Variants in CLDN16 observed in about 807,000 individuals in gnomAD.
CLDN16 encodes the protein claudin-16.
In CLDN16, 13 loss-of-function variants were observed where a neutral mutation model predicts 24.6. That is an observed-to-expected ratio of 0.53 (90% confidence interval 0.34 to 0.84). CLDN16 has a LOEUF of 0.84. Ranked by LOEUF, CLDN16 falls within the 40% of genes least tolerant of loss-of-function variation. The pLI, the probability that CLDN16 is intolerant of heterozygous loss-of-function variation, is 0.01. For synonymous variants in CLDN16, 116 were observed against 106.7 expected, an observed-to-expected ratio of 1.09 and a Z score of -0.54; for missense variants, 298 against 292.7, an observed-to-expected ratio of 1.02 and a Z score of -0.13.
intron 1 of CLDN16, among the ~76,000 whole-genome samples, chr3:190,401,985 C>T (rs1183469461): frequency 1.3e-5 from 2 of 152,014 alleles, no homozygotes; most frequent in Non-Finnish European, 2.9e-5. Context: ...GAGTAAATGT[C>T]AGCACAGTGA....
chr3:190,343,412 A>T (rs190485863), intron 1 of CLDN16, among the ~76,000 whole-genome samples: 1 of 152,278 alleles, frequency 6.6e-6, no homozygotes, highest in Non-Finnish European at 1.5e-5. Flanking sequence ...AGAAATTAAA[A>T]ATATAGCTAC....
intron 1 of CLDN16, among the ~76,000 whole-genome samples, chr3:190,366,663 G>T (rs1475307267): frequency 6.6e-6 from 1 of 151,938 alleles, no homozygotes; most frequent in Non-Finnish European, 1.5e-5. Context: ...CTCTGTGTTT[G>T]GGATGACCCT....
Position 190,339,493 on chromosome 3 carries a change from G to A in CLDN16, n.121+16832G>A, listed in dbSNP as rs184533479. 2.4e-4 allele frequency among the ~76,000 whole-genome samples: 36 copies of A among 152,298 alleles called. 1 individual carries two copies. Among genetic ancestry groups the A allele is most frequent in the Admixed American group, 4.6e-4 (7 of 15,300 alleles). On this transcript the variant is annotated intron_variant and non_coding_transcript_variant, in intron 1 of 4. Transcript: ENST00000468220. Reference sequence around the variant, plus strand: ...CTGGCAGCAGTGTTGAGGAGACAATGTATGAGAGGCAAGTCTAGTTGCAAA... The same window carrying A: ...CTGGCAGCAGTGTTGAGGAGACAATATATGAGAGGCAAGTCTAGTTGCAAA...
chr3:190,349,539 T>C (rs2108634813), intron 1 of CLDN16, among the ~76,000 whole-genome samples: 1 of 152,320 alleles, frequency 6.6e-6, no homozygotes, highest in Non-Finnish European at 1.5e-5. Context: ...TCAATGGTCA[T>C]GTCTTTACTT....
chr3:190,327,527 A>G (rs997023254), intron 1 of CLDN16, among the ~76,000 whole-genome samples: 1 of 152,226 alleles, frequency 6.6e-6, no homozygotes, highest in African/African-American at 2.4e-5. Flanking sequence ...ACAGATGAGA[A>G]AAGTGAGGTG....
chr3:190,406,372 C>A (rs1719097258), intron 3 of CLDN16, among the ~76,000 whole-genome samples: 1 of 152,154 alleles, frequency 6.6e-6, no homozygotes, highest in Admixed American at 6.5e-5. Flanking sequence ...ATTCATTTAA[C>A]AGATTTAAAC....
Position 190,404,750 on chromosome 3 carries a change from C to G in CLDN16, c.218-12C>G. On this transcript the variant is annotated splice_polypyrimidine_tract_variant and intron_variant, in intron 2 of 4. Coordinates refer to ENST00000264734, the MANE Select transcript of CLDN16 (RefSeq NM_006580.4). ...TCTGACTCTGCTTTAACCATATGCC[C>G]TGGTCTTCCAGTGAAGCTGGTGGTA... The G allele has an allele frequency of 6.2e-7, 1 of 1,613,924 alleles. No individual in the cohort carries two copies. The highest frequency in any genetic ancestry group is 1.6e-4 in the Middle Eastern group (1 of 6,062).
At chr3:190,308,773 A>G in the CLDN16 span, among the ~76,000 whole-genome samples, 2 of 152,210 alleles carry the variant, frequency 1.3e-5, no homozygotes, top group South Asian at 4.1e-4. Context: ...TCCTAGGCTG[A>G]AACTTAGCAA....
At chr3:190,340,776 C>T (rs1717409930) in intron 1 of CLDN16, among the ~76,000 whole-genome samples, 1 of 152,106 alleles carries the variant, frequency 6.6e-6, no homozygotes, top group Non-Finnish European at 1.5e-5. Flanking sequence ...TGTCTATGAG[C>T]CTGTGTAAAA....
At chr3:190,351,678 T>C (rs772165400) in intron 1 of CLDN16, among the ~76,000 whole-genome samples, 75 of 152,124 alleles carry the variant, frequency 4.9e-4, no homozygotes, top group Non-Finnish European at 8.5e-4. Context: ...TTAGCAGATA[T>C]TGGGCTGAAG....
At chr3:190,399,963 G>T (rs1718921343) in intron 1 of CLDN16, among the ~76,000 whole-genome samples, 1 of 152,140 alleles carries the variant, frequency 6.6e-6, no homozygotes, top group South Asian at 2.1e-4. Flanking sequence ...TGAGTTGCAT[G>T]CTCCTTACAA....
the CLDN16 span, among the ~76,000 whole-genome samples, chr3:190,300,842 G>A: frequency 6.6e-6 from 1 of 152,046 alleles, no homozygotes; most frequent in Admixed American, 6.6e-5. Context: ...TATTAAAAGG[G>A]CAGATTCAGG....
At chr3:190,376,593 A>T (rs1718253533) in intron 3 of CLDN16, among the ~76,000 whole-genome samples, 1 of 151,992 alleles carries the variant, frequency 6.6e-6, no homozygotes, top group African/African-American at 2.4e-5. Context: ...GTACATGGTC[A>T]TGTTGTAGGC....
At chr3:190,349,028 C>T (rs769791524) in intron 1 of CLDN16, among the ~76,000 whole-genome samples, 5 of 152,240 alleles carry the variant, frequency 3.3e-5, no homozygotes, top group African/African-American at 9.6e-5. Flanking sequence ...AATATACCAG[C>T]GTGTATATGT....
chr3:190,380,035 G>T (rs1413577346), intron 3 of CLDN16, among the ~76,000 whole-genome samples: 1 of 132,952 alleles, frequency 7.5e-6, no homozygotes, highest in African/African-American at 3.0e-5. Flanking sequence ...TTGCCTGCAA[G>T]CTTCTTGAGT....
intron 3 of CLDN16, among the ~76,000 whole-genome samples, chr3:190,377,279 G>T (rs1476609608): frequency 1.3e-5 from 2 of 151,884 alleles, no homozygotes; most frequent in African/African-American, 4.8e-5. Flanking sequence ...ATAGGAATGT[G>T]GTAAAGGAAG....
At chr3:190,293,766 G>A in the CLDN16 span, among the ~76,000 whole-genome samples, 1 of 152,166 alleles carries the variant, frequency 6.6e-6, no homozygotes, top group East Asian at 1.9e-4. Context: ...TTGGCTCACT[G>A]GCTAAAGAAA....
At chr3:190,300,142 C>G in the CLDN16 span, among the ~76,000 whole-genome samples, 1 of 152,210 alleles carries the variant, frequency 6.6e-6, no homozygotes, top group Non-Finnish European at 1.5e-5. Flanking sequence ...GAATCTTCCA[C>G]GGAGTGGGAG....
At chr3:190,368,166 C>T (rs1200582484) in intron 1 of CLDN16, among the ~76,000 whole-genome samples, 1 of 151,910 alleles carries the variant, frequency 6.6e-6, no homozygotes, top group Non-Finnish European at 1.5e-5. Flanking sequence ...TAGAATTCAG[C>T]AGAATTGATG....
Sources: allele counts gnomAD v4.1 joint callset (sites outside exome capture counted in the v4.1 genomes callset), GRCh38; gene constraint gnomAD v4.1.1; transcripts MANE v1.5; gene names NCBI Gene and HGNC (gene_info 2026-07-23, HGNC 2026-07-21).